XKR4: variants seen among roughly 807,000 people sequenced by gnomAD.
XKR4 encodes XK-related protein 4.
XKR4 carries 12 observed loss-of-function variants against 53.9 expected under a neutral mutation model. That is an observed-to-expected ratio of 0.22 (90% CI 0.14 to 0.36). The LOEUF is 0.36. Among genes scored for constraint, XKR4 ranks in the 10% least tolerant of loss-of-function variants. The pLI, the probability that XKR4 is intolerant of heterozygous loss-of-function variation, is 1.00. For synonymous variants in XKR4, 354 were observed against 362.4 expected (o/e 0.98, Z 0.26); for missense variants, 799 against 859.5 (o/e 0.93, Z 0.88).
chr8:55,357,757 G>T lies in XKR4; in HGVS notation c.886G>T (p.Val296Leu), dbSNP rs755880245. ...CAGATGGAGGTTTTACTGGAAAATG[G>T]TATATGAGTATGCGGATGTGAGTAT... is the stretch of plus-strand genomic sequence containing the variant. ...NDRWRFYWKMVYEYADVSMLH... is the reference protein window; with the variant it reads ...NDRWRFYWKMLYEYADVSMLH... Residue 296 changes from valine (V) to leucine (L), a missense_variant, in exon 2 of 3, where the codon GTA (valine) becomes TTA (leucine). Val to Leu is a conservative substitution (Grantham distance 32, BLOSUM62 1). Around this residue, in one of 3 missense-constraint regions of XKR4, gnomAD observed 476 missense variants for 505.4 expected, o/e 0.94. Coordinates refer to ENST00000327381, the MANE Select transcript of XKR4 (RefSeq NM_052898.2). 20 of 1,614,086 alleles carry T rather than the reference G, an allele frequency of 1.2e-5. No homozygotes were observed. The highest frequency in any genetic ancestry group is 1.7e-5 in the Non-Finnish European group (20 of 1,180,042).
chr8:55,117,473 A>G (rs1028884571), intron 1 of XKR4, among the ~76,000 whole-genome samples: 3 of 152,178 alleles, frequency 2.0e-5, no homozygotes, highest in Non-Finnish European at 4.4e-5. Context: ...TATTTGGTGG[A>G]TTAATAAATA....
intron 1 of XKR4, chr8:55,140,012 T>A (rs1816681781): frequency 4.0e-6 from 1 of 252,368 alleles, no homozygotes; most frequent in African/African-American, 2.3e-5. Flanking sequence ...ACAGTTAATT[T>A]CTAAGGTACC....
chr8:55,316,085 T>A lies in XKR4; in HGVS notation c.807-41593T>A, dbSNP rs570951677. ...GAATTCAAAATTCAAATGAATGGAG[T>A]CTTAGCACCATAAAGGATTTTTCTA... On this transcript the variant is annotated intron_variant, in intron 1 of 2. Transcript: ENST00000327381. 3.9e-5 allele frequency among the ~76,000 whole-genome samples: 6 copies of A among 152,014 alleles called. No homozygotes were observed. The East Asian group carries it at 1.2e-3, about 29-fold the overall frequency.
At chr8:55,168,517 G>A (rs150340679) in intron 1 of XKR4, among the ~76,000 whole-genome samples, 40 of 152,286 alleles carry the variant, frequency 2.6e-4, no homozygotes, top group African/African-American at 9.4e-4. Flanking sequence ...TATCGGGTAA[G>A]TCACTCTGGA....
At chr8:55,156,403 C>A (rs1310332864) in intron 1 of XKR4, among the ~76,000 whole-genome samples, 2 of 101,512 alleles carry the variant, frequency 2.0e-5, no homozygotes, top group East Asian at 2.7e-4. Context: ...ATAGTCACGG[C>A]GTAAGATGGC....
At chr8:55,485,547 T>A (rs1806179043) in intron 2 of XKR4, among the ~76,000 whole-genome samples, 1 of 152,168 alleles carries the variant, frequency 6.6e-6, no homozygotes, top group Non-Finnish European at 1.5e-5. Flanking sequence ...GGTCTAAGCA[T>A]TTTGTATTTT....
chr8:55,389,506 A>G (rs1055608288), intron 2 of XKR4, among the ~76,000 whole-genome samples: 1 of 152,230 alleles, frequency 6.6e-6, no homozygotes, highest in African/African-American at 2.4e-5. Context: ...CGTGGAATCC[A>G]TCAGAAAATG....
At chr8:55,240,368 CAT>C (rs1434059274) in intron 1 of XKR4, among the ~76,000 whole-genome samples, 2 of 151,972 alleles carry the variant, frequency 1.3e-5, no homozygotes, top group African/African-American at 4.8e-5. Flanking sequence ...ATATATAGTC[CAT>C]GTGTTTTTAA....
At chr8:55,328,979 G>T (rs1422971586) in intron 1 of XKR4, among the ~76,000 whole-genome samples, 1 of 152,098 alleles carries the variant, frequency 6.6e-6, no homozygotes, top group Non-Finnish European at 1.5e-5. Context: ...AGACACCCTG[G>T]CACAAGGGTC....
intron 1 of XKR4, among the ~76,000 whole-genome samples, chr8:55,112,421 A>T (rs116006183): frequency 1.6e-3 from 246 of 152,224 alleles, no homozygotes; most frequent in African/African-American, 5.5e-3. Flanking sequence ...CATTCTATTT[A>T]AGAAGGACAG....
At chr8:55,237,305 C>T (rs969749600) in intron 1 of XKR4, among the ~76,000 whole-genome samples, 4 of 152,176 alleles carry the variant, frequency 2.6e-5, no homozygotes, top group African/African-American at 7.2e-5. Flanking sequence ...ACTTAAATAG[C>T]TTACTGTTGA....
chr8:55,320,710 T>C (rs1803196634), intron 1 of XKR4, among the ~76,000 whole-genome samples: 2 of 152,190 alleles, frequency 1.3e-5, no homozygotes, highest in South Asian at 2.1e-4. Context: ...GCAGTCTGCA[T>C]GTATAACAGA....
rs1052353255 is a variant in XKR4 at position 55,394,735 on chromosome 8, C to T, written c.1006+36858C>T. 3.3e-5 allele frequency among the ~76,000 whole-genome samples: 5 copies of T among 152,170 alleles called. No homozygotes were observed. The East Asian group carries it at 7.7e-4, about 23-fold the overall frequency. ...TTCAAATCATTCTCTCTAGGAGGAG[C>T]TACCATGACATTAATTATCACTTTT... On this transcript the variant is annotated intron_variant, in intron 2 of 2. Transcript: ENST00000327381.
At chr8:55,222,310 T>C (rs1374140485) in intron 1 of XKR4, among the ~76,000 whole-genome samples, 1 of 152,252 alleles carries the variant, frequency 6.6e-6, no homozygotes, top group African/African-American at 2.4e-5. Flanking sequence ...TTCTAGTCTA[T>C]TTTATTCTGT....
intron 1 of XKR4, among the ~76,000 whole-genome samples, chr8:55,352,527 G>A (rs1803738229): frequency 6.6e-6 from 1 of 152,232 alleles, no homozygotes; most frequent in Non-Finnish European, 1.5e-5. Context: ...TTCAATGTAT[G>A]TCACAGACAG....
intron 1 of XKR4, among the ~76,000 whole-genome samples, chr8:55,255,860 T>A (rs1180027316): frequency 6.6e-6 from 1 of 152,006 alleles, no homozygotes. Context: ...CAGGCAGAGT[T>A]GTAGGTGCTG....
chr8:55,347,719 A>G (rs1803668847), intron 1 of XKR4, among the ~76,000 whole-genome samples: 1 of 152,210 alleles, frequency 6.6e-6, no homozygotes, highest in South Asian at 2.1e-4. Flanking sequence ...AGCACTAATG[A>G]GAGCTGGGTA....
At chr8:55,506,255 A>T (rs1008326963) in intron 2 of XKR4, among the ~76,000 whole-genome samples, 1 of 152,238 alleles carries the variant, frequency 6.6e-6, no homozygotes, top group Non-Finnish European at 1.5e-5. Flanking sequence ...TGATGTAAGG[A>T]GAGGACTCCT....
intron 2 of XKR4, among the ~76,000 whole-genome samples, chr8:55,372,919 G>A (rs1804088063): frequency 6.6e-6 from 1 of 152,184 alleles, no homozygotes; most frequent in Non-Finnish European, 1.5e-5. Flanking sequence ...CAGAGCAGAT[G>A]CAAGGGGGTT....
Sources: allele counts gnomAD v4.1 joint callset (sites outside exome capture counted in the v4.1 genomes callset), GRCh38; gene constraint gnomAD v4.1.1; regional missense constraint gnomAD v4.1.1; transcripts MANE v1.5; gene names NCBI Gene and HGNC (gene_info 2026-07-23, HGNC 2026-07-21).